The following CCDC178 variants were observed in gnomAD, a reference collection of about 807,000 sequenced individuals.
CCDC178 encodes the protein coiled-coil domain-containing protein 178.
A neutral mutation model predicts 117.4 loss-of-function variants in CCDC178; 126 were observed. The observed-to-expected ratio is 1.07, with a 90% CI of 0.93 to 1.24. The LOEUF is 1.24. Ranked by LOEUF, CCDC178 falls within the 50% of genes most tolerant of loss-of-function variation. The pLI, the probability that CCDC178 is intolerant of heterozygous loss-of-function variation, is 0.00. For missense variants in CCDC178, 1,030 were observed against 986.9 expected (o/e 1.04, Z -0.59); for synonymous variants, 283 against 313.4 (o/e 0.90, Z 1.02).
chr18:33,366,507 A>G (rs2063209034), intron 6 of CCDC178, among the ~76,000 whole-genome samples: 1 of 152,076 alleles, frequency 6.6e-6, no homozygotes, highest in African/African-American at 2.4e-5. Flanking sequence ...AAAGGAATTC[A>G]GATGATCTAC....
In CCDC178 at chr18:33,212,029, T is replaced by A; in HGVS notation, c.2105A>T (p.Lys702Ile). 3 of 1,594,850 alleles carry A rather than the reference T, an allele frequency of 1.9e-6. No homozygotes were observed. Among genetic ancestry groups the A allele is most frequent in the Non-Finnish European group, 2.6e-6 (3 of 1,173,138 alleles). Residue 702 changes from lysine to isoleucine, a missense_variant, in exon 20 of 23, where the codon AAA becomes ATA. Coordinates refer to ENST00000383096, the MANE Select transcript of CCDC178 (RefSeq NM_001105528.4). ...LKNKFITMRF[K>I]REHAQTVFDH... Reference sequence around the variant, plus strand: ...AAACACAGTTTGTGCATGTTCCCTTTTAAATCTCATAGTTATAAATTTGTT... The same window carrying A: ...AAACACAGTTTGTGCATGTTCCCTTATAAATCTCATAGTTATAAATTTGTT...
At chr18:33,405,459 C>T (rs1446431518) in intron 3 of CCDC178, among the ~76,000 whole-genome samples, 1 of 151,522 alleles carries the variant, frequency 6.6e-6, no homozygotes, top group Non-Finnish European at 1.5e-5. Context: ...TTGGAATCTA[C>T]ATAAGAATAC....
At chr18:33,117,574 G>GT (rs1433773590) in intron 20 of CCDC178, among the ~76,000 whole-genome samples, 6 of 152,000 alleles carry the variant, frequency 3.9e-5, no homozygotes, top group Non-Finnish European at 5.9e-5. Flanking sequence ...CTGTCGTGGG[G>GT]TGGGGGGAGC....
At chr18:33,344,602 G>A (rs1310399094) in intron 9 of CCDC178, among the ~76,000 whole-genome samples, 1 of 147,378 alleles carries the variant, frequency 6.8e-6, no homozygotes, top group Non-Finnish European at 1.5e-5. Context: ...GAGATTATAT[G>A]TAAATTTATC....
chr18:33,201,903 G>C (rs1276285774), intron 20 of CCDC178, among the ~76,000 whole-genome samples: 1 of 152,084 alleles, frequency 6.6e-6, no homozygotes, highest in Admixed American at 6.5e-5. Flanking sequence ...GAAAAGAGCT[G>C]AGAAACAATA....
At chr18:33,240,824 G>A (rs2059478421) in intron 15 of CCDC178, among the ~76,000 whole-genome samples, 1 of 151,724 alleles carries the variant, frequency 6.6e-6, no homozygotes, top group African/African-American at 2.4e-5. Context: ...CAAAATTAAG[G>A]CAGAGAAAAT....
At chr18:33,404,330 C>A (rs1461680762) in intron 3 of CCDC178, among the ~76,000 whole-genome samples, 1 of 151,622 alleles carries the variant, frequency 6.6e-6, no homozygotes, top group African/African-American at 2.4e-5. Context: ...GTATTATGTA[C>A]CAGTTTTCTA....
At chr18:33,248,185 A>AGATTTTTTATTTTTATAAT (rs2059572945) in intron 14 of CCDC178, among the ~76,000 whole-genome samples, 1 of 151,954 alleles carries the variant, frequency 6.6e-6, no homozygotes, top group African/African-American at 2.4e-5. Flanking sequence ...GTGAAGCTAT[A>AGATTTTTTATTTTTATAAT]GTTCCATACA....
intron 21 of CCDC178, among the ~76,000 whole-genome samples, chr18:33,040,521 T>A (rs2056528340): frequency 6.6e-6 from 1 of 152,002 alleles, no homozygotes; most frequent in African/African-American, 2.4e-5. Flanking sequence ...TTGCCCTGTA[T>A]CTATTTGGGA....
intron 11 of CCDC178, among the ~76,000 whole-genome samples, chr18:33,308,120 C>T (rs1024123345): frequency 6.6e-6 from 1 of 152,188 alleles, no homozygotes; most frequent in Non-Finnish European, 1.5e-5. Flanking sequence ...ACAGCTTGCA[C>T]TGTGTGCCTG....
intron 10 of CCDC178, among the ~76,000 whole-genome samples, chr18:33,330,070 TCTA>T (rs2062644447): frequency 6.6e-6 from 1 of 151,910 alleles, no homozygotes; most frequent in African/African-American, 2.4e-5. Flanking sequence ...ATCTAGGTTA[TCTA>T]ATTTGTTGGC....
chr18:32,954,302 A>G (rs2144636613), intron 22 of CCDC178, among the ~76,000 whole-genome samples: 1 of 152,270 alleles, frequency 6.6e-6, no homozygotes, highest in South Asian at 2.1e-4. Flanking sequence ...TCCACAGGGT[A>G]TGATGATGAA....
chr18:33,389,865 AAAAC>A (rs981299168), intron 4 of CCDC178, among the ~76,000 whole-genome samples: 23 of 151,922 alleles, frequency 1.5e-4, no homozygotes, highest in African/African-American at 5.3e-4. Context: ...GAGGCTGTTT[AAAAC>A]AAACAGATAA....
rs767429656 is a variant in CCDC178, at chr18:33,215,590, C to T, written c.2038G>A (p.Glu680Lys). 4.7e-5 allele frequency: 70 copies of T among 1,487,264 alleles called. 1 individual carries two copies. The East Asian group carries it at 7.7e-4, about 16-fold the overall frequency. The allele number at this position is 1,487,264 out of a possible 1,614,324, so 92.1% of individuals were successfully genotyped here. The stretch of plus-strand genomic sequence containing the variant: ...GTCTGATCAAAACTTTTCTTTTCTT[C>T]TTCTTTTGCTTTTAATTCCTCATTC... Reference protein sequence around the residue: ...ELNEELKAKEEEKKSFDQTLE... With the variant: ...ELNEELKAKEKEKKSFDQTLE... The change falls in exon 19 of 23, where the codon GAA becomes AAA. Residue 680 changes from glutamate to lysine, a missense_variant. Coordinates refer to ENST00000383096, the MANE Select transcript of CCDC178 (RefSeq NM_001105528.4).
chr18:33,395,176 C>T (rs1599266001), intron 4 of CCDC178, among the ~76,000 whole-genome samples: 1 of 151,138 alleles, frequency 6.6e-6, no homozygotes, highest in Middle Eastern at 3.4e-3. Context: ...ACAACCTAGT[C>T]TCACGTTCCA....
chr18:33,272,759 A>G (rs529631169), intron 12 of CCDC178, among the ~76,000 whole-genome samples: 4 of 151,706 alleles, frequency 2.6e-5, no homozygotes, highest in Non-Finnish European at 3.0e-5. Flanking sequence ...CAGTAAATGT[A>G]ATAAACACCA....
chr18:32,943,683 A>C (rs2144596203), intron 22 of CCDC178, among the ~76,000 whole-genome samples: 1 of 152,330 alleles, frequency 6.6e-6, no homozygotes, highest in African/African-American at 2.4e-5. Context: ...TGTTGTAAAC[A>C]CTGAATATTC....
chr18:33,011,408 G>A (rs2055860742), intron 21 of CCDC178, among the ~76,000 whole-genome samples: 2 of 152,044 alleles, frequency 1.3e-5, no homozygotes, highest in Admixed American at 1.3e-4. Flanking sequence ...TTTTGCTTTG[G>A]TGATATAGTT....
chr18:33,246,081 G>C (rs1264084961), intron 14 of CCDC178, among the ~76,000 whole-genome samples: 2 of 151,754 alleles, frequency 1.3e-5, no homozygotes, highest in African/African-American at 4.8e-5. Flanking sequence ...AACCTGCAAA[G>C]CATTTAATAA....
Sources: allele counts gnomAD v4.1 joint callset (sites outside exome capture counted in the v4.1 genomes callset), GRCh38; gene constraint gnomAD v4.1.1; transcripts MANE v1.5; gene names NCBI Gene and HGNC (gene_info 2026-07-23, HGNC 2026-07-21).